FBN1: variants seen among roughly 807,000 people sequenced by gnomAD.
The protein encoded by FBN1 is fibrillin 1, also known as fibrillin-1.
In FBN1, 29 loss-of-function variants were observed where a neutral mutation model predicts 365.1. That is an observed-to-expected ratio of 0.08 (90% confidence interval 0.06 to 0.11). FBN1 has a LOEUF of 0.11. FBN1 is among the 10% of genes least tolerant of loss of function. The pLI is 1.00. For missense variants in FBN1, 2,476 were observed against 3,703.2 expected (o/e 0.67, Z 8.60); for synonymous variants, 1,210 against 1,270.5 (o/e 0.95, Z 1.01).
intron 2 of FBN1, among the ~76,000 whole-genome samples, chr15:48,637,993 C>A (rs1890124824): frequency 6.6e-6 from 1 of 150,382 alleles, no homozygotes; most frequent in Non-Finnish European, 1.5e-5. Context: ...ACTCTATTTT[C>A]AAAAAAAGTG....
chr15:48,630,107 A>G (rs944530334), intron 2 of FBN1, among the ~76,000 whole-genome samples: 1 of 152,228 alleles, frequency 6.6e-6, no homozygotes, highest in Non-Finnish European at 1.5e-5. Flanking sequence ...AACAATTAAC[A>G]TGTCGGTCCA....
intron 6 of FBN1, among the ~76,000 whole-genome samples, chr15:48,595,570 C>G (rs2044509733): frequency 6.6e-6 from 1 of 152,172 alleles, no homozygotes; most frequent in Non-Finnish European, 1.5e-5. Context: ...GTAGGCAAAT[C>G]AGGTAGAATG....
At chr15:48,460,404 T>G in intron 42 of FBN1, 87 bp from the exon 43 acceptor site, 1 of 818,776 alleles carries the variant, frequency 1.2e-6, no homozygotes, top group East Asian at 2.5e-5. Flanking sequence ...TTGTAAGCAT[T>G]CTTGAAAGGT....
chr15:48,617,658 ATGAG>A (rs1379764812), intron 2 of FBN1, among the ~76,000 whole-genome samples: 1 of 152,154 alleles, frequency 6.6e-6, no homozygotes, highest in Non-Finnish European at 1.5e-5. Flanking sequence ...ACCCTGGGGG[ATGAG>A]TGAGTCTCAG....
At position 48,644,848 on chromosome 15, in the gene FBN1, C is replaced by A; in HGVS notation, c.-79G>T. 1 of 1,312,038 alleles carries A rather than the reference C, an allele frequency of 7.6e-7. No individual in the cohort carries two copies. The highest frequency in any genetic ancestry group is 9.7e-7 in the Non-Finnish European group (1 of 1,029,932). 81.3% of individuals were successfully genotyped at this position (1,312,038 alleles called of 1,614,324 possible). Reference sequence around the variant, plus strand: ...CTGCGGCCGCCGCTGCGCCCTGAAGCGCACCGCGCCGCCGGGGTCCCGCTA... The same window carrying A: ...CTGCGGCCGCCGCTGCGCCCTGAAGAGCACCGCGCCGCCGGGGTCCCGCTA... On this transcript the variant is annotated 5_prime_UTR_variant, in exon 2 of 66. Coordinates refer to ENST00000316623, the MANE Select transcript of FBN1 (RefSeq NM_000138.5).
chr15:48,496,365 T>G, intron 19 of FBN1, 140 bp from the exon 20 acceptor site: 1 of 1,013,794 alleles, frequency 9.9e-7, no homozygotes, highest in Non-Finnish European at 1.5e-6. Context: ...AGCATTAGCT[T>G]TTACCTAAAC....
chr15:48,543,414 A>G (rs1192603296), intron 6 of FBN1, among the ~76,000 whole-genome samples: 1 of 152,200 alleles, frequency 6.6e-6, no homozygotes, highest in Non-Finnish European at 1.5e-5. Context: ...CCAGAATTGC[A>G]CTATCACGGA....
At chr15:48,597,793 C>A (rs1156386042) in intron 5 of FBN1, among the ~76,000 whole-genome samples, 2 of 152,202 alleles carry the variant, frequency 1.3e-5, no homozygotes, top group African/African-American at 4.8e-5. Flanking sequence ...GAATGAAGAG[C>A]TTCTAAACAG....
chr15:48,417,440 C>CCCTT (rs1223718687), intron 63 of FBN1, among the ~76,000 whole-genome samples: 1 of 75,542 alleles, frequency 1.3e-5, no homozygotes, highest in Admixed American at 1.4e-4. Flanking sequence ...CTCCCCTCCC[C>CCCTT]TCCCTCCTTT....
intron 18 of FBN1, 33 bp downstream of exon 18, chr15:48,498,952 C>T (rs576555209): frequency 1.9e-5 from 30 of 1,607,148 alleles, no homozygotes; most frequent in South Asian, 5.5e-5. Context: ...TCTGCACATA[C>T]TGAAGGTAGT....
intron 17 of FBN1, among the ~76,000 whole-genome samples, chr15:48,501,091 A>T (rs1259809097): frequency 6.6e-6 from 1 of 152,190 alleles, no homozygotes; most frequent in Non-Finnish European, 1.5e-5. Flanking sequence ...CAAATATAAG[A>T]CAAAAGTTAG....
intron 16 of FBN1, 89 bp downstream of exon 16, chr15:48,504,936 C>T: frequency 1.3e-6 from 2 of 1,536,434 alleles, no homozygotes; most frequent in Non-Finnish European, 1.8e-6. Context: ...ATCTTATCTG[C>T]TACAGTAGAG....
chr15:48,474,478 T>G (rs1390512673), intron 33 of FBN1, 50 bp downstream of exon 33: 2 of 1,613,836 alleles, frequency 1.2e-6, no homozygotes, highest in Admixed American at 3.3e-5. Flanking sequence ...TTTTCATATG[T>G]GTAATCTATG....
chr15:48,425,709 G>C (rs759418388), intron 59 of FBN1, 30 bp downstream of exon 59: 2 of 1,606,090 alleles, frequency 1.2e-6, no homozygotes, highest in Non-Finnish European at 1.7e-6. Flanking sequence ...ATTTCCACTT[G>C]AGGATAAGCC....
chr15:48,511,271 C>T (rs1330650858), intron 13 of FBN1, among the ~76,000 whole-genome samples: 7 of 152,132 alleles, frequency 4.6e-5, no homozygotes, highest in Non-Finnish European at 8.8e-5. Context: ...AGTCATTGGA[C>T]GAGCTGAGGC....
In FBN1 at chr15:48,580,746, A is replaced by G. The variant is rs146812975; in HGVS notation, c.538+15537T>C. 1.5e-3 allele frequency among the ~76,000 whole-genome samples: 230 copies of G among 152,326 alleles called. 1 individual carries two copies. Among genetic ancestry groups the G allele is most frequent in the Admixed American group, 0.011 (172 of 15,292 alleles). On this transcript the variant is annotated intron_variant, in intron 6 of 65. Transcript: ENST00000316623. ...ATAGTACATTAATCCATGTCACTTC[A>G]GGCTACCCAGAGTGATCCATTTTAA...
intron 6 of FBN1, among the ~76,000 whole-genome samples, chr15:48,540,201 A>C (rs978754071): frequency 3.3e-5 from 5 of 152,280 alleles, no homozygotes; most frequent in African/African-American, 1.2e-4. Flanking sequence ...TCAATATTTT[A>C]TTATGTATTT....
intron 5 of FBN1, 61 bp downstream of exon 5, chr15:48,600,078 T>C: frequency 2.4e-6 from 3 of 1,232,794 alleles, no homozygotes; most frequent in Non-Finnish European, 3.6e-6. Flanking sequence ...ACTTATCTCT[T>C]TATTCTACTT....
intron 59 of FBN1, 48 bp from the exon 60 acceptor site, chr15:48,425,539 T>A: frequency 6.2e-7 from 1 of 1,612,790 alleles, no homozygotes; most frequent in Non-Finnish European, 8.5e-7. Flanking sequence ...AAATGATGTG[T>A]ACACGCTCAA....
Sources: allele counts gnomAD v4.1 joint callset (sites outside exome capture counted in the v4.1 genomes callset), GRCh38; gene constraint gnomAD v4.1.1; transcripts MANE v1.5; gene names NCBI Gene and HGNC (gene_info 2026-07-23, HGNC 2026-07-21).